The following PDCD11 variants were observed in gnomAD, a reference collection of about 807,000 sequenced individuals.
PDCD11 encodes the protein protein RRP5 homolog.
A neutral mutation model predicts 198.9 loss-of-function variants in PDCD11; 97 were observed. The observed-to-expected ratio is 0.49, with a 90% CI of 0.41 to 0.58. The LOEUF is 0.58. Among genes scored for constraint, PDCD11 ranks in the 20% least tolerant of loss-of-function variants. The probability of loss-of-function intolerance (pLI) is 0.00; values close to 1 mark genes in which losing one functional copy is unlikely to be tolerated. For synonymous variants in PDCD11, 893 were observed against 918.0 expected, an observed-to-expected ratio of 0.97 and a Z score of 0.49; for missense variants, 2,102 against 2,312.7, an observed-to-expected ratio of 0.91 and a Z score of 1.87.
At chr10:103,411,991 TTTTA>T (rs2030831493) in intron 8 of PDCD11, among the ~76,000 whole-genome samples, 2 of 151,954 alleles carry the variant, frequency 1.3e-5, no homozygotes, top group African/African-American at 2.4e-5. Flanking sequence ...TCTGGCTAAT[TTTTA>T]TTTATTTATT....
chr10:103,432,295 C>T (rs1056735745), intron 22 of PDCD11, 61 bp downstream of exon 22: 3 of 1,204,216 alleles, frequency 2.5e-6, no homozygotes, highest in Admixed American at 3.4e-5. Context: ...AAGGTCATGA[C>T]GTTGGAGAGA....
chr10:103,424,558 T>A lies in PDCD11; in HGVS notation c.2764-426T>A, dbSNP rs190974837. On this transcript the variant is annotated intron_variant, in intron 19 of 35. Transcript: ENST00000369797. ...CACACAATAAGCTCTCAGTAATGAC[T>A]CTATTCATTGCTTGGGTTGAAGAGT... 5.3e-5 allele frequency among the ~76,000 whole-genome samples: 8 copies of A among 152,300 alleles called. No homozygotes were observed. In the East Asian group the frequency reaches 1.5e-3, roughly 29 times the overall value.
intron 21 of PDCD11, among the ~76,000 whole-genome samples, chr10:103,430,517 T>G (rs2031883844): frequency 6.6e-6 from 1 of 152,220 alleles, no homozygotes; most frequent in Non-Finnish European, 1.5e-5. Context: ...TAATTCTATT[T>G]TTAATATTTT....
In PDCD11 at chr10:103,423,591, T is replaced by C. The variant is rs61751511; in HGVS notation, c.2696T>C (p.Val899Ala). The part of the protein sequence containing the change: ...GQKKKVVILN[V>A]DLLKLEVHVS... ...AAAAAGAAGGTTGTTATCTTAAATG[T>C]TGATCTTTTGAAGTTGGAAGTGCAC... The change falls in exon 19 of 36, where the codon GTT becomes GCT. Residue 899 changes from valine to alanine, a missense_variant. Transcript: ENST00000369797. 0.012 allele frequency: 19,800 copies of C among 1,614,016 alleles called. 175 individuals are homozygous for C. Among genetic ancestry groups the C allele is most frequent in the Non-Finnish European group, 0.015 (17,166 of 1,179,864 alleles).
intron 21 of PDCD11, among the ~76,000 whole-genome samples, chr10:103,428,631 G>A (rs755905144): frequency 5.9e-5 from 9 of 152,316 alleles, no homozygotes; most frequent in African/African-American, 1.7e-4. Context: ...TTCAAACTAA[G>A]GGTAGATATC....
chr10:103,413,963 C>T lies in PDCD11; in HGVS notation c.1186-3C>T, dbSNP rs1405787695. 2.5e-6 allele frequency: 4 copies of T among 1,607,440 alleles called. No individual in the cohort carries two copies. The Admixed American group carries it at 6.8e-5, about 27-fold the overall frequency. On this transcript the variant is annotated splice_region_variant and splice_polypyrimidine_tract_variant and intron_variant, in intron 9 of 35. Transcript: ENST00000369797. ...TTATCCTCAATCACTTGGTACTTTG[C>T]AGCTCAGCCATCTCTCTGATTCTAA...
intron 17 of PDCD11, 23 bp downstream of exon 17, chr10:103,421,590 G>T: frequency 1.3e-6 from 2 of 1,511,206 alleles, no homozygotes. Context: ...TGGGGCAGGG[G>T]AGGTGGGCCA....
At chr10:103,431,600 GA>G (rs990870847) in intron 21 of PDCD11, among the ~76,000 whole-genome samples, 4 of 144,168 alleles carry the variant, frequency 2.8e-5, no homozygotes, top group South Asian at 2.2e-4. Flanking sequence ...TCAAAAAAAA[GA>G]AAAAAAAATT....
At chr10:103,415,250 G>A in intron 12 of PDCD11, 99 bp downstream of exon 12, 1 of 1,200,788 alleles carries the variant, frequency 8.3e-7, no homozygotes, top group Non-Finnish European at 1.2e-6. Context: ...AGTGTGTAAT[G>A]TCTGTAGTGT....
At chr10:103,435,798 C>T (rs570602386) in intron 25 of PDCD11, among the ~76,000 whole-genome samples, 1 of 152,292 alleles carries the variant, frequency 6.6e-6, no homozygotes, top group Non-Finnish European at 1.5e-5. Flanking sequence ...CAGGCATGAG[C>T]CACGGTGCCT....
At chr10:103,419,419 A>T (rs998113252) in intron 15 of PDCD11, 119 bp from the exon 16 acceptor site, 24 of 1,111,922 alleles carry the variant, frequency 2.2e-5, no homozygotes, top group Non-Finnish European at 3.1e-5. Flanking sequence ...ACACTTAGAG[A>T]ATCGCTGTAG....
intron 22 of PDCD11, among the ~76,000 whole-genome samples, chr10:103,433,615 C>A (rs746484836): frequency 1.3e-5 from 2 of 152,236 alleles, no homozygotes; most frequent in Non-Finnish European, 2.9e-5. Context: ...GGTTAACAAT[C>A]GCTGGGCACA....
chr10:103,426,120 C>T (rs1029751844), intron 20 of PDCD11, among the ~76,000 whole-genome samples: 4 of 152,144 alleles, frequency 2.6e-5, no homozygotes, highest in Non-Finnish European at 5.9e-5. Context: ...GTCATGGTAG[C>T]GACTACTTTG....
rs1389705741 is a variant in PDCD11, at chr10:103,443,183, G to A, written c.4974G>A (p.Leu1658=). 2 of 1,597,042 alleles carry A rather than the reference G, an allele frequency of 1.3e-6. No homozygotes were observed. The highest frequency in any genetic ancestry group is 2.3e-5 in the East Asian group (1 of 44,412). ...TISFREEQEK[L]NVWVALLNLE... is the part of the protein sequence containing the mutation. ...CCTCCAGAGAGGAGCAGGAGAAGCT[G>A]AACGTGTGGGTGGCTCTGCTGAACC... Residue 1658 remains leucine (L), a synonymous_variant, in exon 33 of 36, where the codon CTG becomes CTA. Coordinates refer to ENST00000369797, the MANE Select transcript of PDCD11 (RefSeq NM_014976.2).
intron 27 of PDCD11, 55 bp from the exon 28 acceptor site, chr10:103,439,691 T>C: frequency 6.2e-7 from 1 of 1,609,776 alleles, no homozygotes; most frequent in African/African-American, 1.3e-5. Flanking sequence ...CGAGGCCTGG[T>C]TGGAATTCTG....
rs1182920862 is a variant in PDCD11, at chr10:103,405,987, A to G, written c.567A>G (p.Leu189=). ...LSAEALKPGM[L]LTGTVSSLED... ...TGGGACTACTTTCTCTTCCCCAGCT[A>G]CTTACAGGTACCGTATCCAGCCTGG... The change falls in exon 6 of 36, where the codon CTA becomes CTG. Residue 189 remains leucine (L), a splice_region_variant and synonymous_variant. Coordinates refer to ENST00000369797, the MANE Select transcript of PDCD11 (RefSeq NM_014976.2). 7 of 1,613,730 alleles carry G rather than the reference A, an allele frequency of 4.3e-6. No homozygotes were observed. In the East Asian group the frequency reaches 1.1e-4, roughly 26 times the overall value.
intron 13 of PDCD11, among the ~76,000 whole-genome samples, chr10:103,417,392 G>A (rs1368527649): frequency 3.3e-5 from 5 of 152,042 alleles, no homozygotes; most frequent in Admixed American, 1.3e-4. Context: ...GGCTGGTCTC[G>A]AACTCCCTGG....
At position 103,414,880 on chromosome 10, in the gene PDCD11, G is replaced by A. The variant is rs554068605; in HGVS notation, c.1372-125G>A. ...TGTGTGCTTCACCCATGTGCCATCTGGAATAACAGGCACAGTTAGCCCAGG... is the reference window on the plus strand; with the variant it reads ...TGTGTGCTTCACCCATGTGCCATCTAGAATAACAGGCACAGTTAGCCCAGG... On this transcript the variant is annotated intron_variant, in intron 11 of 35. Coordinates refer to ENST00000369797, the MANE Select transcript of PDCD11 (RefSeq NM_014976.2). 7.7e-6 allele frequency: 7 copies of A among 904,056 alleles called. No individual in the cohort carries two copies. The Admixed American group carries it at 1.2e-4, about 16-fold the overall frequency. The allele number at this position is 904,056 out of a possible 1,614,324, so 56.0% of individuals were successfully genotyped here. A position where few individuals can be genotyped will look rare whatever the true frequency, so the allele number is the denominator to read the frequency against.
chr10:103,414,901 C>T, intron 11 of PDCD11, 104 bp from the exon 12 acceptor site: 2 of 1,191,684 alleles, frequency 1.7e-6, no homozygotes, highest in South Asian at 2.6e-5. Flanking sequence ...CACAGTTAGC[C>T]CAGGAAGTTG....
Sources: allele counts gnomAD v4.1 joint callset (sites outside exome capture counted in the v4.1 genomes callset), GRCh38; gene constraint gnomAD v4.1.1; transcripts MANE v1.5; gene names NCBI Gene and HGNC (gene_info 2026-07-23, HGNC 2026-07-21).